RAD51B: variants seen among roughly 807,000 people sequenced by gnomAD.
RAD51B encodes DNA repair protein RAD51 homolog 2.
RAD51B carries 38 observed loss-of-function variants against 42.2 expected under a neutral mutation model. That is an observed-to-expected ratio of 0.90 (90% CI 0.70 to 1.18). The LOEUF (loss-of-function observed/expected upper bound fraction) is 1.18, where lower values mean the gene tolerates loss of function less well. Among genes scored for constraint, RAD51B ranks in the 50% most tolerant of loss-of-function variants. The pLI is 0.00. For synonymous variants in RAD51B, 154 were observed against 145.2 expected (o/e 1.06, Z -0.43); for missense variants, 373 against 400.7 (o/e 0.93, Z 0.59).
intron 9 of RAD51B, among the ~76,000 whole-genome samples, chr14:68,437,699 A>G (rs566540404): frequency 6.6e-6 from 1 of 152,324 alleles, no homozygotes; most frequent in South Asian, 2.1e-4. Flanking sequence ...ATGAAGAGCC[A>G]TAGTAGTAGA....
At chr14:67,861,977 G>C (rs193139623) in intron 4 of RAD51B, among the ~76,000 whole-genome samples, 5,435 of 135,222 alleles carry the variant, frequency 0.04, 141 homozygotes, top group Non-Finnish European at 0.058. Flanking sequence ...TCAGTCAGTG[G>C]GGGGGAAGGG....
intron 8 of RAD51B, among the ~76,000 whole-genome samples, chr14:68,310,337 C>G (rs1006447293): frequency 6.6e-6 from 1 of 152,216 alleles, no homozygotes; most frequent in African/African-American, 2.4e-5. Flanking sequence ...GGCATCCAAA[C>G]CTGATTTCCT....
intron 9 of RAD51B, among the ~76,000 whole-genome samples, chr14:68,418,655 T>C (rs1337640411): frequency 6.6e-6 from 1 of 152,170 alleles, no homozygotes; most frequent in African/African-American, 2.4e-5. Context: ...AAGAAAAATA[T>C]TTTCAGTTGG....
chr14:68,470,413 A>T (rs903987408), intron 10 of RAD51B: 16 of 448,450 alleles, frequency 3.6e-5, no homozygotes, highest in Non-Finnish European at 5.3e-5. Context: ...AAAACAAAAA[A>T]TGCAGGTCCC....
At chr14:68,099,404 C>A (rs539981425) in intron 7 of RAD51B, among the ~76,000 whole-genome samples, 1 of 152,318 alleles carries the variant, frequency 6.6e-6, no homozygotes, top group Admixed American at 6.5e-5. Flanking sequence ...GTCTTCCAAC[C>A]CAGCCTATGA....
At chr14:68,041,503 C>T (rs567466369) in intron 7 of RAD51B, among the ~76,000 whole-genome samples, 1 of 151,868 alleles carries the variant, frequency 6.6e-6, no homozygotes, top group South Asian at 2.1e-4. Context: ...AATTTGTCCA[C>T]TTTCCTTCCT....
intron 10 of RAD51B, chr14:68,541,024 C>G (rs886154594): frequency 4.9e-5 from 48 of 985,262 alleles, no homozygotes; most frequent in Middle Eastern, 1.0e-3. Context: ...CACTTTGCCC[C>G]TTCAAGTTCT....
At chr14:68,490,532 C>T (rs974385367) in intron 10 of RAD51B, among the ~76,000 whole-genome samples, 6 of 152,208 alleles carry the variant, frequency 3.9e-5, no homozygotes, top group African/African-American at 1.4e-4. Flanking sequence ...CATATTGCCC[C>T]ATTTCTCAAC....
chr14:68,637,442 C>G (rs1011431426), intron 10 of RAD51B, among the ~76,000 whole-genome samples: 1 of 152,146 alleles, frequency 6.6e-6, no homozygotes, highest in Admixed American at 6.5e-5. Context: ...CCTGGGCAGG[C>G]CTGAAAGATC....
intron 10 of RAD51B, among the ~76,000 whole-genome samples, chr14:68,496,428 C>A (rs1200026826): frequency 2.6e-5 from 4 of 152,198 alleles, no homozygotes; most frequent in African/African-American, 9.7e-5. Context: ...TGCTTACTTG[C>A]CTGTAATGCT....
intron 7 of RAD51B, among the ~76,000 whole-genome samples, chr14:68,109,570 G>T (rs1305252696): frequency 1.3e-5 from 2 of 151,978 alleles, no homozygotes; most frequent in Non-Finnish European, 2.9e-5. Context: ...CTCCAGAAGT[G>T]TGCCTAGGAA....
chr14:68,498,741 A>G (rs562889781), intron 10 of RAD51B, among the ~76,000 whole-genome samples: 2 of 152,354 alleles, frequency 1.3e-5, no homozygotes, highest in Non-Finnish European at 1.5e-5. Flanking sequence ...CTTTTTTCTT[A>G]AAACCACCTG....
chr14:68,266,901 T>C (rs2081002683), intron 7 of RAD51B, among the ~76,000 whole-genome samples: 1 of 152,230 alleles, frequency 6.6e-6, no homozygotes, highest in Non-Finnish European at 1.5e-5. Context: ...ATTATTGTTT[T>C]ATCACAAATA....
chr14:67,927,286 G>A (rs2044549990), intron 7 of RAD51B, among the ~76,000 whole-genome samples: 1 of 152,120 alleles, frequency 6.6e-6, no homozygotes. Context: ...TGCATAGAAT[G>A]TGTAATGATC....
At chr14:68,457,058 A>G (rs1185169659) in intron 9 of RAD51B, among the ~76,000 whole-genome samples, 1 of 151,696 alleles carries the variant, frequency 6.6e-6, no homozygotes, top group African/African-American at 2.4e-5. Flanking sequence ...GATTACAGGC[A>G]TGCACCACCA....
chr14:68,112,433 C>T (rs1411143319), intron 7 of RAD51B, among the ~76,000 whole-genome samples: 1 of 152,018 alleles, frequency 6.6e-6, no homozygotes, highest in Non-Finnish European at 1.5e-5. Flanking sequence ...TCATAGGGTG[C>T]CTAGCTCCCT....
intron 8 of RAD51B, among the ~76,000 whole-genome samples, chr14:68,337,522 G>T (rs1415027646): frequency 1.3e-5 from 2 of 152,116 alleles, no homozygotes. Context: ...TGGTTATTTT[G>T]ATCTGAAATG....
intron 9 of RAD51B, among the ~76,000 whole-genome samples, chr14:68,415,021 G>C (rs1362142451): frequency 1.0e-5 from 1 of 98,938 alleles, no homozygotes; most frequent in African/African-American, 4.2e-5. Context: ...GACAGAGCAA[G>C]ACTCTGTCTC....
intron 10 of RAD51B, among the ~76,000 whole-genome samples, chr14:68,631,521 AATGG>A (rs957359242): frequency 1.3e-5 from 2 of 152,162 alleles, no homozygotes; most frequent in African/African-American, 4.8e-5. Context: ...AATGTGCTAG[AATGG>A]ATGGAACTTG....
Sources: gnomAD v4.1 joint callset for allele counts (sites outside exome capture counted in the v4.1 genomes callset) on GRCh38, gnomAD v4.1.1 for gene constraint, MANE v1.5 for transcripts, NCBI Gene and HGNC (gene_info 2026-07-23, HGNC 2026-07-21) for gene names.